SCEL: variants seen among roughly 807,000 people sequenced by gnomAD.
SCEL encodes sciellin.
A neutral mutation model predicts 117.6 loss-of-function variants in SCEL; 113 were observed. The ratio of observed to expected loss-of-function variants is 0.96; its 90% CI spans 0.83 to 1.12. SCEL has a LOEUF of 1.12. Among genes scored for constraint, SCEL ranks in the 50% most tolerant of loss-of-function variants. The pLI is 0.00. For missense variants in SCEL, 785 were observed against 810.8 expected (o/e 0.97, Z 0.39); for synonymous variants, 270 against 256.2 (o/e 1.05, Z -0.51).
intron 15 of SCEL, among the ~76,000 whole-genome samples, chr13:77,600,933 CT>C (rs1333418221): frequency 6.6e-6 from 1 of 152,178 alleles, no homozygotes; most frequent in Non-Finnish European, 1.5e-5. Context: ...CCAAACCAAT[CT>C]TGGCGATGCA....
At chr13:77,597,681 C>A in intron 13 of SCEL, 92 bp downstream of exon 13, 1 of 591,538 alleles carries the variant, frequency 1.7e-6, no homozygotes, top group Non-Finnish European at 2.9e-6. Flanking sequence ...ACCCACATAC[C>A]AGGGTAGTCA....
intron 14 of SCEL, 127 bp downstream of exon 14, chr13:77,599,515 C>G (rs773705524): frequency 4.9e-5 from 44 of 889,402 alleles, no homozygotes; most frequent in Non-Finnish European, 7.3e-5. Flanking sequence ...GGGTAGTGCT[C>G]TCAGCATTGT....
At chr13:77,564,827 CCTAGGCTTT>C (rs1281984234) in intron 5 of SCEL, among the ~76,000 whole-genome samples, 1 of 152,142 alleles carries the variant, frequency 6.6e-6, no homozygotes, top group East Asian at 1.9e-4. Context: ...CTGCATTATT[CCTAGGCTTT>C]CAAGTCAGTC....
intron 10 of SCEL, among the ~76,000 whole-genome samples, 194 bp downstream of exon 10, chr13:77,589,418 C>A (rs1448519178): frequency 2.6e-5 from 4 of 152,102 alleles, no homozygotes; most frequent in Admixed American, 6.6e-5. Flanking sequence ...ATACTAATGG[C>A]TAACTTGTCT....
At chr13:77,563,463 G>A (rs1444575691) in intron 4 of SCEL, among the ~76,000 whole-genome samples, 1 of 152,142 alleles carries the variant, frequency 6.6e-6, no homozygotes, top group Non-Finnish European at 1.5e-5. Context: ...AAAAGATTGA[G>A]TTCCTATTAT....
chr13:77,585,953 C>T (rs1021377347), intron 9 of SCEL, among the ~76,000 whole-genome samples: 32 of 152,096 alleles, frequency 2.1e-4, no homozygotes, highest in African/African-American at 6.8e-4. Context: ...TCACAGGGTC[C>T]GGATGAAGGT....
chr13:77,632,306 A>G (rs1402549795), intron 28 of SCEL, among the ~76,000 whole-genome samples: 2 of 152,246 alleles, frequency 1.3e-5, no homozygotes, highest in African/African-American at 4.8e-5. Flanking sequence ...ATGCATTTCA[A>G]ACTCACTGAT....
intron 28 of SCEL, among the ~76,000 whole-genome samples, chr13:77,633,988 A>G (rs1276070764): frequency 9.9e-5 from 15 of 152,240 alleles, no homozygotes; most frequent in Admixed American, 9.8e-4. Flanking sequence ...AGATATTGTC[A>G]TGATAGCTAA....
rs150127968 is a variant in SCEL, at chr13:77,610,083, T to C, written c.1314T>C (p.Pro438=). ...QSLDSLIKVT[P]ERNRTNQGNQ... ...TCGACAGCCTCATTAAAGTGACTCC[T>C]GAAAGAAACAGAACTAACCAAGGGT... Residue 438 remains proline (P), a synonymous_variant, in exon 22 of 33, where the codon CCT becomes CCC. Coordinates refer to ENST00000349847, the MANE Select transcript of SCEL (RefSeq NM_144777.3). The C allele has an allele frequency of 1.9e-6, 3 of 1,610,462 alleles. No homozygotes were observed. The highest frequency in any genetic ancestry group is 2.5e-6 in the Non-Finnish European group (3 of 1,178,058).
At chr13:77,584,647 AT>A (rs999515565) in intron 9 of SCEL, among the ~76,000 whole-genome samples, 3 of 152,124 alleles carry the variant, frequency 2.0e-5, no homozygotes, top group African/African-American at 7.2e-5. Context: ...TCCCATTTCT[AT>A]TTTTTGTAAT....
At chr13:77,561,020 T>C (rs1224638101) in intron 4 of SCEL, among the ~76,000 whole-genome samples, 1 of 152,154 alleles carries the variant, frequency 6.6e-6, no homozygotes, top group East Asian at 1.9e-4. Context: ...CCATTTCATT[T>C]TCCTGATGCC....
chr13:77,625,801 T>C (rs2154404822), intron 27 of SCEL, among the ~76,000 whole-genome samples: 1 of 152,330 alleles, frequency 6.6e-6, no homozygotes, highest in African/African-American at 2.4e-5. Flanking sequence ...TGTATACTGA[T>C]TCCATGTATA....
chr13:77,591,099 A>G (rs1414932753), intron 10 of SCEL, among the ~76,000 whole-genome samples: 1 of 152,176 alleles, frequency 6.6e-6, no homozygotes, highest in Non-Finnish European at 1.5e-5. Context: ...TCTGATAGAG[A>G]TAAGTATGAA....
intron 28 of SCEL, among the ~76,000 whole-genome samples, chr13:77,633,914 A>G (rs2090152013): frequency 6.6e-6 from 1 of 152,232 alleles, no homozygotes; most frequent in Non-Finnish European, 1.5e-5. Flanking sequence ...TCTACAATTT[A>G]AAAAAGCATG....
intron 10 of SCEL, among the ~76,000 whole-genome samples, chr13:77,591,162 A>G (rs2086844876): frequency 6.6e-6 from 1 of 152,164 alleles, no homozygotes; most frequent in African/African-American, 2.4e-5. Context: ...TAGAACTTAT[A>G]AGTCTAGATA....
chr13:77,633,442 CAAAAAAAAAA>C (rs59939208), intron 28 of SCEL, among the ~76,000 whole-genome samples: 1 of 30,022 alleles, frequency 3.3e-5, no homozygotes, highest in Non-Finnish European at 7.0e-5. Flanking sequence ...GACTCCGCCT[CAAAAAAAAAA>C]AAAAAAAAAA....
At chr13:77,552,702 G>A (rs2084406757) in intron 1 of SCEL, among the ~76,000 whole-genome samples, 1 of 152,154 alleles carries the variant, frequency 6.6e-6, no homozygotes, top group Non-Finnish European at 1.5e-5. Flanking sequence ...AGTTTAATTA[G>A]ATCCCATTTG....
intron 9 of SCEL, among the ~76,000 whole-genome samples, chr13:77,573,638 C>CATCT (rs10565753): frequency 0.069 from 10,277 of 149,794 alleles, 343 homozygotes; most frequent in Middle Eastern, 0.072. Flanking sequence ...TCTGTCATTA[C>CATCT]ATCTATCTAT....
intron 1 of SCEL, among the ~76,000 whole-genome samples, chr13:77,536,491 G>T: frequency 6.6e-6 from 1 of 152,080 alleles, no homozygotes; most frequent in East Asian, 1.9e-4. Context: ...ACTTCTCTAT[G>T]GTATATTCTG....
Sources: allele counts gnomAD v4.1 joint callset (sites outside exome capture counted in the v4.1 genomes callset), GRCh38; gene constraint gnomAD v4.1.1; transcripts MANE v1.5; gene names NCBI Gene and HGNC (gene_info 2026-07-23, HGNC 2026-07-21).